Variants in USP22 observed in about 807,000 individuals in gnomAD.
USP22 encodes the protein ubiquitin specific peptidase 22.
Under a neutral mutation model 68.1 loss-of-function variants are expected in USP22, and 22 were observed. The ratio of observed to expected loss-of-function variants is 0.32; its 90% CI spans 0.23 to 0.46. The LOEUF is 0.46. Ranked by LOEUF, USP22 falls within the 20% of genes least tolerant of loss-of-function variation. The probability of loss-of-function intolerance (pLI) is 1.00; values close to 1 mark genes in which losing one functional copy is unlikely to be tolerated. For synonymous variants in USP22, 279 were observed against 274.2 expected (o/e 1.02, Z -0.17); for missense variants, 433 against 695.8 (o/e 0.62, Z 4.25).
chr17:21,041,346 C>T (rs1393040773), intron 1 of USP22, among the ~76,000 whole-genome samples: 6 of 151,982 alleles, frequency 3.9e-5, no homozygotes, highest in African/African-American at 4.8e-5. Context: ...GCCTGTAATC[C>T]CAACACTTTG....
intron 6 of USP22, among the ~76,000 whole-genome samples, chr17:21,014,151 G>C (rs2032954689): frequency 6.6e-6 from 1 of 152,236 alleles, no homozygotes; most frequent in Admixed American, 6.5e-5. Context: ...CGTAACCAAG[G>C]CCATGTGGCC....
chr17:21,035,929 G>A (rs1451834012), intron 1 of USP22, among the ~76,000 whole-genome samples: 2 of 151,022 alleles, frequency 1.3e-5, no homozygotes, highest in African/African-American at 4.9e-5. Flanking sequence ...TACTCGGGAG[G>A]CTGAGGCAAG....
At chr17:21,017,849 A>G (rs1001270090) in intron 5 of USP22, 93 bp downstream of exon 5, 24 of 1,463,778 alleles carry the variant, frequency 1.6e-5, no homozygotes, top group Non-Finnish European at 2.0e-5. Flanking sequence ...TTCTAAATGT[A>G]TCTTCCTTTA....
At chr17:21,017,583 G>T (rs1972104347) in intron 5 of USP22, among the ~76,000 whole-genome samples, 1 of 152,168 alleles carries the variant, frequency 6.6e-6, no homozygotes, top group Admixed American at 6.5e-5. Flanking sequence ...ATACCAGGAG[G>T]ACACAGGAGG....
intron 12 of USP22, 75 bp from the exon 13 acceptor site, chr17:21,003,148 A>G: frequency 6.4e-7 from 1 of 1,560,960 alleles, no homozygotes; most frequent in Non-Finnish European, 8.8e-7. Flanking sequence ...ACCCTACACA[A>G]AAGCCTACGT....
intron 3 of USP22, among the ~76,000 whole-genome samples, chr17:21,019,464 G>T (rs1206335026): frequency 1.3e-5 from 2 of 152,230 alleles, no homozygotes; most frequent in Non-Finnish European, 2.9e-5. Flanking sequence ...CAAAACAGTT[G>T]TTTTTCAAAT....
At chr17:21,011,336 G>C (rs1055372456) in intron 7 of USP22, 27 bp from the exon 8 acceptor site, 5 of 1,551,410 alleles carry the variant, frequency 3.2e-6, no homozygotes, top group Non-Finnish European at 4.4e-6. Flanking sequence ...AACAATGGCT[G>C]TGAGGACTGA....
intron 6 of USP22, among the ~76,000 whole-genome samples, chr17:21,013,975 G>A (rs1229026149): frequency 6.6e-6 from 1 of 152,256 alleles, no homozygotes; most frequent in Non-Finnish European, 1.5e-5. Context: ...TCAGGAGGCT[G>A]AGGCAGAAGA....
chr17:21,024,876 G>A (rs1222417716), intron 2 of USP22, among the ~76,000 whole-genome samples: 6 of 152,164 alleles, frequency 3.9e-5, no homozygotes, highest in African/African-American at 1.4e-4. Context: ...GCTGAGGTTG[G>A]GAGGATCACT....
chr17:21,003,766 G>C (rs1477035414), intron 12 of USP22, among the ~76,000 whole-genome samples: 1 of 150,870 alleles, frequency 6.6e-6, no homozygotes, highest in Admixed American at 6.6e-5. Context: ...CAGGCGTGAT[G>C]GTGCATGCCT....
At chr17:21,005,087 G>T in intron 10 of USP22, 97 bp from the exon 11 acceptor site, 1 of 1,361,724 alleles carries the variant, frequency 7.3e-7, no homozygotes, top group Non-Finnish European at 1.0e-6. Context: ...GCTTGACCAT[G>T]CAGATGCTGC....
chr17:21,020,994 C>A, intron 3 of USP22, 119 bp downstream of exon 3: 1 of 753,872 alleles, frequency 1.3e-6, no homozygotes, highest in Non-Finnish European at 2.3e-6. Context: ...GTGGGGACGG[C>A]CTCTTCCCAC....
chr17:21,035,012 T>TTA (rs1392568790), intron 1 of USP22, among the ~76,000 whole-genome samples: 4 of 152,276 alleles, frequency 2.6e-5, no homozygotes, highest in Non-Finnish European at 5.9e-5. Context: ...AGTACTCTAT[T>TTA]ATCATAAACA....
chr17:21,036,216 A>G (rs1972354848), intron 1 of USP22, among the ~76,000 whole-genome samples: 1 of 151,974 alleles, frequency 6.6e-6, no homozygotes, highest in African/African-American at 2.4e-5. Flanking sequence ...GAGAGTTAGA[A>G]GGTGAAGCAC....
intron 1 of USP22, among the ~76,000 whole-genome samples, chr17:21,034,252 T>C (rs774124118): frequency 7.2e-5 from 11 of 152,144 alleles, no homozygotes; most frequent in Admixed American, 3.3e-4. Flanking sequence ...GGTAATTTCA[T>C]TCAGCAAAGG....
chr17:21,018,998 T>C, intron 4 of USP22, 86 bp downstream of exon 4: 1 of 1,379,184 alleles, frequency 7.3e-7, no homozygotes, highest in Non-Finnish European at 1.0e-6. Flanking sequence ...AACAGAATCA[T>C]GTGGACTTAA....
chr17:21,040,084 G>C (rs1236883399), intron 1 of USP22, among the ~76,000 whole-genome samples: 5 of 152,156 alleles, frequency 3.3e-5, no homozygotes, highest in African/African-American at 1.2e-4. Flanking sequence ...CAGCTACTCA[G>C]GAGAGGCTGG....
chr17:21,026,161 G>A (rs1250083693), intron 2 of USP22, among the ~76,000 whole-genome samples: 1 of 152,190 alleles, frequency 6.6e-6, no homozygotes, highest in Non-Finnish European at 1.5e-5. Context: ...GGGTGGCTGA[G>A]GCAGGAGAAT....
At position 21,000,665 on chromosome 17, in the gene USP22, G is replaced by C. The variant is rs891698388; in HGVS notation, c.*2366C>G. ...TCCGCAAGACACCCCAGTAAACTGG[G>C]GCGTCCCAAGGTGGCAAGCCTTCAT... On this transcript the variant is annotated 3_prime_UTR_variant, in exon 13 of 13. Coordinates refer to ENST00000261497, the MANE Select transcript of USP22 (RefSeq NM_015276.2). 6.6e-6 allele frequency: 1 copy of C among 152,320 alleles called. No homozygotes were observed. Among genetic ancestry groups the C allele is most frequent in the African/African-American group, 2.4e-5 (1 of 41,558 alleles). 9.4% of individuals were successfully genotyped at this position (152,320 alleles called of 1,614,324 possible). A position where few individuals can be genotyped will look rare whatever the true frequency, so the allele number is the denominator to read the frequency against.
Sources: allele counts gnomAD v4.1 joint callset (sites outside exome capture counted in the v4.1 genomes callset), GRCh38; gene constraint gnomAD v4.1.1; transcripts MANE v1.5; gene names NCBI Gene and HGNC (gene_info 2026-07-23, HGNC 2026-07-21).